Variants in GAS7 observed in about 807,000 individuals in gnomAD.
GAS7 encodes growth arrest-specific protein 7.
A neutral mutation model predicts 71.1 loss-of-function variants in GAS7; 28 were observed. That is an observed-to-expected ratio of 0.39 (90% CI 0.29 to 0.54). The LOEUF (loss-of-function observed/expected upper bound fraction) is 0.54, where lower values mean the gene tolerates loss of function less well. GAS7 is among the 20% of genes least tolerant of loss of function. The probability of loss-of-function intolerance (pLI) is 0.62; values close to 1 mark genes in which losing one functional copy is unlikely to be tolerated. For missense variants in GAS7, 436 were observed against 627.8 expected, an observed-to-expected ratio of 0.69 and a Z score of 3.27; for synonymous variants, 258 against 245.8, an observed-to-expected ratio of 1.05 and a Z score of -0.46.
rs374699674 is a variant in GAS7 at position 10,051,983 on chromosome 17, G to A, written c.184-32086C>T. ...TGGACCAGTAACTTGATATACAGTA[G>A]TTTATTTGACCCTTATAAAAACCCT... On this transcript the variant is annotated intron_variant, in intron 1 of 13. Coordinates refer to ENST00000432992, the MANE Select transcript of GAS7 (RefSeq NM_201433.2). Among the ~76,000 whole-genome samples, 11 of 152,224 alleles carry A rather than the reference G, an allele frequency of 7.2e-5. No individual in the cohort carries two copies. The South Asian group carries it at 2.3e-3, about 32-fold the overall frequency.
At position 10,131,977 on chromosome 17, in the gene GAS7, TAAAACATGAACGTATAAA is replaced by T. The variant is rs573405317; in HGVS notation, c.183+66213_183+66230del. On this transcript the variant is annotated intron_variant, in intron 1 of 13. Coordinates refer to ENST00000432992, the MANE Select transcript of GAS7 (RefSeq NM_201433.2). ...TGAATACATGTGCTCATGAGTGTAT[TAAAACATGAACGTATAAA>T]AACATGTTAATGCATGAAAACGTAC... Among the ~76,000 whole-genome samples, 105 of 152,312 alleles carry T rather than the reference TAAAACATGAACGTATAAA, an allele frequency of 6.9e-4. No individual in the cohort carries two copies. In the East Asian group the frequency reaches 0.015, roughly 22 times the overall value.
chr17:10,115,505 GC>G lies in GAS7; in HGVS notation c.183+82702del, dbSNP rs2073852887. 4.6e-5 allele frequency among the ~76,000 whole-genome samples: 7 copies of G among 152,286 alleles called. No individual in the cohort carries two copies. The South Asian group carries it at 1.4e-3, about 32-fold the overall frequency. On this transcript the variant is annotated intron_variant, in intron 1 of 13. Transcript: ENST00000432992. ...GTTCCTAACTGTTCACCCTTTACAG[GC>G]TGCAGCTGTGCCCCGGGGAAGCACA...
Position 10,026,228 on chromosome 17 carries a change from C to T in GAS7, c.184-6331G>A. 2.0e-6 allele frequency: 2 copies of T among 985,356 alleles called. No individual in the cohort carries two copies. Among genetic ancestry groups the T allele is most frequent in the East Asian group, 1.1e-4 (1 of 8,814 alleles). The allele number at this position is 985,356 out of a possible 1,614,324, so 61.0% of individuals were successfully genotyped here. Reference sequence around the variant, plus strand: ...CAGACACTCGCTTTAGCAGCCAGATCAGACGGTTTTAAGGTCTCCCACTCT... The same window carrying T: ...CAGACACTCGCTTTAGCAGCCAGATTAGACGGTTTTAAGGTCTCCCACTCT... On this transcript the variant is annotated intron_variant, in intron 1 of 13. Transcript: ENST00000432992. This position sits in a 1 kb window ranked among gnomAD's most constrained non-coding sequence, Gnocchi z 4.5.
rs562203989 is a variant in GAS7, at chr17:10,016,886, G to A, written c.304+2891C>T. On this transcript the variant is annotated intron_variant, in intron 2 of 13. Transcript: ENST00000432992. ...GGTCACTTAAGCCCAGGAAGTTAAC[G>A]CTGCAGTGAGCCATGATCGTGCCAC... Among the ~76,000 whole-genome samples, 132 of 150,818 alleles carry A rather than the reference G, an allele frequency of 8.8e-4. 1 individual carries two copies. Among genetic ancestry groups the A allele is most frequent in the South Asian group, 5.4e-3 (26 of 4,800 alleles).
chr17:10,013,676 G>A (rs1287765624), intron 2 of GAS7, among the ~76,000 whole-genome samples: 1 of 152,212 alleles, frequency 6.6e-6, no homozygotes, highest in Non-Finnish European at 1.5e-5. Context: ...CTGGCCCAAC[G>A]CCGTTTACTA....
rs73974335 is a variant in GAS7, at chr17:9,915,663, G to A, written c.*1565C>T. On this transcript the variant is annotated 3_prime_UTR_variant, in exon 14 of 14. Transcript: ENST00000432992. ...TTAATAAGTCATCGGTTTCTAGCAC[G>A]TTGACTGAAAGACCAGTGAGTTGTG... 5,303 of 229,016 alleles carry A rather than the reference G, an allele frequency of 0.023. 257 individuals carry two copies. Among genetic ancestry groups the A allele is most frequent in the African/African-American group, 0.11 (4,827 of 45,226 alleles). 14.2% of individuals were successfully genotyped at this position (229,016 alleles called of 1,614,324 possible).
chr17:10,196,140 A>G (rs2074538576), intron 1 of GAS7, among the ~76,000 whole-genome samples: 2 of 151,996 alleles, frequency 1.3e-5, no homozygotes, highest in African/African-American at 4.8e-5. Flanking sequence ...CCTTTTCCCC[A>G]TGGATCCAGA....
At position 9,988,408 on chromosome 17, in the gene GAS7, T is replaced by C. The variant is rs1190503158; in HGVS notation, c.305-6524A>G. ...GTCCAGGCAGATGCAGAATTTGCAA[T>C]CAGGCCACATTCTCCTGGAGGCCCC... On this transcript the variant is annotated intron_variant, in intron 2 of 13. Coordinates refer to ENST00000432992, the MANE Select transcript of GAS7 (RefSeq NM_201433.2). Among the ~76,000 whole-genome samples, 2 of 152,160 alleles carry C rather than the reference T, an allele frequency of 1.3e-5. 1 individual carries two copies. The highest frequency in any genetic ancestry group is 1.3e-4 in the Admixed American group (2 of 15,280).
At chr17:10,196,522 C>T (rs370103543) in intron 1 of GAS7, among the ~76,000 whole-genome samples, 5 of 152,292 alleles carry the variant, frequency 3.3e-5, no homozygotes, top group East Asian at 1.9e-4. Context: ...GACAGACACA[C>T]CCAAAACTGT....
intron 9 of GAS7, among the ~76,000 whole-genome samples, chr17:9,929,986 C>T (rs2152078256): frequency 6.6e-6 from 1 of 152,284 alleles, no homozygotes; most frequent in South Asian, 2.1e-4. Context: ...CTTTTCATCT[C>T]ACACATCAGA....
intron 2 of GAS7, among the ~76,000 whole-genome samples, chr17:10,003,147 G>A (rs2071337089): frequency 6.6e-6 from 1 of 152,224 alleles, no homozygotes; most frequent in African/African-American, 2.4e-5. Flanking sequence ...GGTGATAGGA[G>A]GCTTGGATAG....
intron 9 of GAS7, among the ~76,000 whole-genome samples, chr17:9,927,442 T>G (rs1184614954): frequency 6.6e-6 from 1 of 151,042 alleles, no homozygotes; most frequent in Non-Finnish European, 1.5e-5. Flanking sequence ...ATTGTGCCAC[T>G]GCACTTCAGC....
intron 1 of GAS7, among the ~76,000 whole-genome samples, chr17:10,046,744 AAAAAG>A (rs1421338264): frequency 5.4e-5 from 7 of 130,570 alleles, no homozygotes; most frequent in Admixed American, 5.1e-4. Context: ...TCAAAAAAAA[AAAAAG>A]AAAAGAAAAG....
chr17:10,148,112 G>C (rs1195090118), intron 1 of GAS7, among the ~76,000 whole-genome samples: 1 of 152,172 alleles, frequency 6.6e-6, no homozygotes, highest in Non-Finnish European at 1.5e-5. Context: ...TTATTGGCTA[G>C]CACAGGCATT....
At chr17:10,039,654 A>G in intron 1 of GAS7, 1 of 438,086 alleles carries the variant, frequency 2.3e-6, no homozygotes, top group Non-Finnish European at 4.5e-6. Flanking sequence ...CTGCACTCCA[A>G]CCTGGACGTC....
At chr17:9,929,011 G>A (rs1204789365) in intron 9 of GAS7, among the ~76,000 whole-genome samples, 1 of 152,132 alleles carries the variant, frequency 6.6e-6, no homozygotes, top group African/African-American at 2.4e-5. Flanking sequence ...TTGAGCCCCT[G>A]GAACCTTCCC....
chr17:10,083,016 G>A (rs1444130685), intron 1 of GAS7, among the ~76,000 whole-genome samples: 5 of 152,162 alleles, frequency 3.3e-5, no homozygotes, highest in Non-Finnish European at 7.3e-5. Flanking sequence ...ACTGCAAAGG[G>A]GCAAAGGAGA....
chr17:9,949,067 C>T (rs935278882), intron 5 of GAS7, among the ~76,000 whole-genome samples: 3 of 152,102 alleles, frequency 2.0e-5, no homozygotes, highest in African/African-American at 7.2e-5. Context: ...GAAACTGCAG[C>T]TGGGACAGGA....
chr17:9,930,868 C>T (rs1046038315), intron 9 of GAS7, among the ~76,000 whole-genome samples: 3 of 152,188 alleles, frequency 2.0e-5, no homozygotes, highest in African/African-American at 7.2e-5. Flanking sequence ...CAACACTGAC[C>T]GACAGGCTGG....
Sources: gnomAD v4.1 joint callset for allele counts (sites outside exome capture counted in the v4.1 genomes callset) on GRCh38, gnomAD v4.1.1 for gene constraint, Gnocchi (gnomAD v3.1) non-coding constraint, MANE v1.5 for transcripts, NCBI Gene and HGNC (gene_info 2026-07-23, HGNC 2026-07-21) for gene names.